Variants in STAG2 observed in about 807,000 individuals in gnomAD.
STAG2 encodes the protein cohesin subunit SA-2.
Under a neutral mutation model 108.1 loss-of-function variants are expected in STAG2, and 14 were observed. The observed-to-expected ratio is 0.13, with a 90% CI of 0.09 to 0.20. The LOEUF (loss-of-function observed/expected upper bound fraction) is 0.20, where lower values mean the gene tolerates loss of function less well. Ranked by LOEUF, STAG2 falls within the 10% of genes least tolerant of loss-of-function variation. The pLI is 1.00. For synonymous variants in STAG2, 307 were observed against 302.7 expected, an observed-to-expected ratio of 1.01 and a Z score of -0.15; for missense variants, 440 against 940.9, an observed-to-expected ratio of 0.47 and a Z score of 6.96.
At chrX:124,048,903 A>G (rs2057955296) in intron 9 of STAG2, 102 bp from the exon 10 acceptor site, 1 of 611,029 alleles carries the variant, frequency 1.6e-6, no homozygotes, top group Middle Eastern at 3.3e-4. Context: ...AATTCCCCAA[A>G]ATACTGGGGA....
chrX:124,033,022 C>T (rs190289987), intron 5 of STAG2, among the ~76,000 whole-genome samples: 173 of 112,303 alleles, frequency 1.5e-3, no homozygotes, highest in Non-Finnish European at 3.0e-3. Flanking sequence ...TTTGAGCTTT[C>T]GCCAATTTTA....
intron 27 of STAG2, among the ~76,000 whole-genome samples, chrX:124,080,903 A>G (rs1925697914): frequency 1.8e-5 from 2 of 111,987 alleles, no homozygotes; most frequent in Admixed American, 1.9e-4. Context: ...TAGCACTAAA[A>G]CTTTTTTGTA....
chrX:124,078,487 C>T (rs1009940725), intron 27 of STAG2, among the ~76,000 whole-genome samples: 5 of 111,297 alleles, frequency 4.5e-5, no homozygotes, highest in African/African-American at 6.5e-5. Flanking sequence ...TACATTTCTG[C>T]GATGACCGTT....
intron 30 of STAG2, 120 bp from the exon 31 acceptor site, chrX:124,090,455 C>G: frequency 3.4e-6 from 2 of 596,973 alleles, no homozygotes; most frequent in South Asian, 5.9e-5. Flanking sequence ...GGTTTGTGTC[C>G]CCCGTTCCTG....
intron 1 of STAG2, among the ~76,000 whole-genome samples, chrX:123,981,069 AATT>A (rs1173619625): frequency 3.6e-5 from 4 of 111,119 alleles, no homozygotes; most frequent in African/African-American, 1.3e-4. Flanking sequence ...TTTACAGGGA[AATT>A]ATTATCAATA....
At position 123,996,219 on chromosome X, in the gene STAG2, A is replaced by T. The variant is rs893921560; in HGVS notation, c.-162-25148A>T. ...TTTCAGTCAGTATGAGGGACTACTT[A>T]TGTGTTAATTGGTTAAAACAATCAC... is the stretch of plus-strand genomic sequence containing the variant. On this transcript the variant is annotated intron_variant, in intron 1 of 34. Transcript: ENST00000371145. Among the ~76,000 whole-genome samples the T allele has an allele frequency of 2.7e-5, 3 of 112,342 alleles. No individual in the cohort carries two copies. In the Admixed American group the frequency reaches 2.8e-4, roughly 11 times the overall value.
At chrX:124,051,642 G>C (rs988003704) in intron 13 of STAG2, among the ~76,000 whole-genome samples, 2 of 108,733 alleles carry the variant, frequency 1.8e-5, no homozygotes, top group African/African-American at 6.7e-5. Context: ...CCAGGCTGGA[G>C]TGCAGTGGTA....
intron 15 of STAG2, among the ~76,000 whole-genome samples, chrX:124,059,011 C>CT (rs901225207): frequency 5.4e-5 from 6 of 110,519 alleles, no homozygotes; most frequent in Non-Finnish European, 1.1e-4. Flanking sequence ...ATTGAATTGT[C>CT]TAAGACCTTC....
intron 1 of STAG2, among the ~76,000 whole-genome samples, chrX:124,005,823 A>G (rs1438202083): frequency 9.0e-6 from 1 of 111,316 alleles, no homozygotes; most frequent in Non-Finnish European, 1.9e-5. Context: ...TCTGGAGGCA[A>G]GAAGTCCAAG....
At chrX:124,046,380 G>A (rs944206089) in intron 8 of STAG2, among the ~76,000 whole-genome samples, 6 of 111,905 alleles carry the variant, frequency 5.4e-5, no homozygotes, top group Admixed American at 9.5e-5. Flanking sequence ...ACTTGTGGTA[G>A]CAATGTCAAT....
chrX:124,090,626 T>C lies in STAG2; in HGVS notation c.3329T>C (p.Leu1110Pro), dbSNP rs1414860570. Residue 1110 changes from leucine to proline, a missense_variant, in exon 31 of 35, where the codon CTG (leucine) becomes CCG (proline). Physicochemically the swap from Leu to Pro is moderately conservative, Grantham distance 98. Transcript: ENST00000371145. Reference sequence around the variant, plus strand: ...ATGTGGTTAAGCAGAGAACAAACACTGCACACCCCTGTTATGATGCAGACA... The same window carrying C: ...ATGTGGTTAAGCAGAGAACAAACACCGCACACCCCTGTTATGATGCAGACA... ...DSMWLSREQT[L>P]HTPVMMQTPQ... 1.7e-6 allele frequency: 2 copies of C among 1,174,422 alleles called. No individual in the cohort carries two copies. The highest frequency in any genetic ancestry group is 3.6e-5 in the African/African-American group (2 of 55,339).
intron 5 of STAG2, among the ~76,000 whole-genome samples, chrX:124,035,990 T>C (rs185550956): frequency 7.1e-5 from 8 of 112,483 alleles, no homozygotes; most frequent in African/African-American, 2.6e-4. Flanking sequence ...GTCTCTATGA[T>C]ATATTCTTTT....
intron 1 of STAG2, among the ~76,000 whole-genome samples, chrX:124,020,477 G>A (rs1036939824): frequency 2.7e-5 from 3 of 111,470 alleles, no homozygotes; most frequent in Non-Finnish European, 5.7e-5. Flanking sequence ...TTATAAATAA[G>A]TTAGCATTTT....
intron 1 of STAG2, among the ~76,000 whole-genome samples, chrX:123,969,340 C>CT (rs2054245123): frequency 9.0e-6 from 1 of 111,311 alleles, no homozygotes; most frequent in Non-Finnish European, 1.9e-5. Context: ...TTACATGTGT[C>CT]TGAGAATTGT....
intron 1 of STAG2, among the ~76,000 whole-genome samples, chrX:123,998,797 G>GA (rs957142644): frequency 2.7e-5 from 3 of 111,523 alleles, no homozygotes; most frequent in South Asian, 3.7e-4. Flanking sequence ...GTACATTGTA[G>GA]AAAAAATCTA....
At chrX:124,043,224 G>A (rs1400087419) in intron 7 of STAG2, among the ~76,000 whole-genome samples, 1 of 105,304 alleles carries the variant, frequency 9.5e-6, no homozygotes, top group Non-Finnish European at 1.9e-5. Flanking sequence ...TGCCTCCTGG[G>A]TTCAAGCAAT....
chrX:123,975,226 AAAG>A (rs201862788), intron 1 of STAG2, among the ~76,000 whole-genome samples: 8,203 of 111,548 alleles, frequency 0.074, 306 homozygotes, highest in Non-Finnish European at 0.11. Context: ...ACACTATTAA[AAAG>A]AAGAAGATAA....
intron 1 of STAG2, among the ~76,000 whole-genome samples, chrX:123,981,730 G>A (rs138182725): frequency 1.5e-3 from 163 of 111,395 alleles, no homozygotes; most frequent in African/African-American, 5.2e-3. Context: ...TATATGGCAG[G>A]CACTGTGCTA....
intron 29 of STAG2, 40 bp from the exon 30 acceptor site, chrX:124,086,507 A>G: frequency 9.2e-7 from 1 of 1,088,415 alleles, no homozygotes; most frequent in Non-Finnish European, 1.3e-6. Context: ...TAACCCACAG[A>G]TTTCTGTATC....
Sources: allele counts gnomAD v4.1 joint callset (sites outside exome capture counted in the v4.1 genomes callset), GRCh38; gene constraint gnomAD v4.1.1; transcripts MANE v1.5; gene names NCBI Gene and HGNC (gene_info 2026-07-23, HGNC 2026-07-21).